Variants in PYGO1 observed in about 807,000 individuals in gnomAD.
PYGO1 encodes pygopus family PHD finger 1, also known as pygopus homolog 1.
Under a neutral mutation model 29.5 loss-of-function variants are expected in PYGO1, and 6 were observed. That is an observed-to-expected ratio of 0.20 (90% CI 0.11 to 0.40). The LOEUF is 0.40. PYGO1 is among the 10% of genes least tolerant of loss of function. The pLI is 1.00. For missense variants in PYGO1, 515 were observed against 514.9 expected (o/e 1.00, Z 0.00); for synonymous variants, 186 against 180.5 (o/e 1.03, Z -0.24).
chr15:55,571,876 T>G (rs1203884944), intron 1 of PYGO1, among the ~76,000 whole-genome samples: 1 of 152,000 alleles, frequency 6.6e-6, no homozygotes, highest in African/African-American at 2.4e-5. Context: ...CCATTTGGAA[T>G]TTATTTTGGG....
chr15:55,565,750 A>C, intron 1 of PYGO1, among the ~76,000 whole-genome samples: 1 of 151,820 alleles, frequency 6.6e-6, no homozygotes, highest in Admixed American at 6.6e-5. Context: ...AAAAAGAAAC[A>C]TATTTATTTC....
In PYGO1 at chr15:55,587,981, G is replaced by GCGAGGCAAGCCTCGGAGC. The variant is rs1171825168; in HGVS notation, c.-116_-99dup. The GCGAGGCAAGCCTCGGAGC allele has an allele frequency of 4.5e-5, 64 of 1,416,564 alleles. 2 individuals carry two copies. The highest frequency in any genetic ancestry group is 5.7e-5 in the Non-Finnish European group (61 of 1,079,162). The allele number at this position is 1,416,564 out of a possible 1,614,324, so 87.7% of individuals were successfully genotyped here. ...TCCTCCTCGCGGGGCCGCTGCGGCTGCGAGGCAAGCCTCGGAGCCGAGGCA... is the reference window on the plus strand; with the variant it reads ...TCCTCCTCGCGGGGCCGCTGCGGCTGCGAGGCAAGCCTCGGAGCCGAGGCAAGCCTCGGAGCCGAGGCA... On this transcript the variant is annotated 5_prime_UTR_variant, in exon 1 of 3. Transcript: ENST00000563719.
intron 1 of PYGO1, among the ~76,000 whole-genome samples, chr15:55,567,680 A>G (rs2058962910): frequency 6.6e-6 from 1 of 152,082 alleles, no homozygotes; most frequent in East Asian, 1.9e-4. Context: ...ATTCTTTTGC[A>G]AGACTGTTGT....
chr15:55,588,667 G>A (rs1223311214), upstream of PYGO1: 3 of 842,760 alleles, frequency 3.6e-6, no homozygotes, highest in African/African-American at 3.5e-5. Context: ...CCGACCGCCA[G>A]GCCCGAGAAC....
At chr15:55,566,825 G>A (rs968088843) in intron 1 of PYGO1, among the ~76,000 whole-genome samples, 2 of 152,126 alleles carry the variant, frequency 1.3e-5, no homozygotes, top group Non-Finnish European at 2.9e-5. Context: ...TGCCCTCCTG[G>A]GGTAAGGTGA....
At chr15:55,554,271 T>C (rs950739874) in intron 1 of PYGO1, among the ~76,000 whole-genome samples, 5 of 151,926 alleles carry the variant, frequency 3.3e-5, no homozygotes, top group African/African-American at 4.8e-5. Flanking sequence ...GAGACCATCC[T>C]GGCTAACATG....
At chr15:55,587,696 C>T (rs751861422) in intron 1 of PYGO1, 139 bp downstream of exon 1, 130 of 1,172,324 alleles carry the variant, frequency 1.1e-4, no homozygotes, top group Middle Eastern at 6.2e-4. Flanking sequence ...ATCGCAGCCT[C>T]GGCCCCGGGG....
In PYGO1 at chr15:55,545,820, C is replaced by T; in HGVS notation, c.*203G>A. ...CTAACATTTATTTATGTTTCTAAAG[C>T]ACCCCCATATACATTATTCTCATTT... On this transcript the variant is annotated 3_prime_UTR_variant, in exon 3 of 3. Coordinates refer to ENST00000563719, the MANE Select transcript of PYGO1 (RefSeq NM_001367806.1). 2.3e-6 allele frequency: 1 copy of T among 432,042 alleles called. No homozygotes were observed. Among genetic ancestry groups the T allele is most frequent in the Non-Finnish European group, 4.0e-6 (1 of 252,484 alleles). The allele number at this position is 432,042 out of a possible 1,614,324, so 26.8% of individuals were successfully genotyped here.
rs1279726254 is a variant in PYGO1, at chr15:55,546,517, G to A, written c.766C>T (p.His256Tyr). 6.2e-7 allele frequency: 1 copy of A among 1,614,096 alleles called. No homozygotes were observed. Among genetic ancestry groups the A allele is most frequent in the Admixed American group, 1.7e-5 (1 of 60,012 alleles). ...TKNTNQNSSA[H>Y]PPHLNMDDTV... ...TCATCCATATTCAAGTGAGGTGGAT[G>A]AGCAGAGGAATTTTGATTAGTGTTT... Residue 256 changes from histidine to tyrosine, a missense_variant, in exon 3 of 3, where the codon CAT becomes TAT. By Grantham distance (83) the His-to-Tyr change is moderately conservative. Coordinates refer to ENST00000563719, the MANE Select transcript of PYGO1 (RefSeq NM_001367806.1).
intron 1 of PYGO1, among the ~76,000 whole-genome samples, chr15:55,566,564 C>T (rs1295527096): frequency 6.6e-6 from 1 of 152,010 alleles, no homozygotes; most frequent in Non-Finnish European, 1.5e-5. Flanking sequence ...TTTAGTAGAA[C>T]AATTTGTTTT....
At chr15:55,550,509 T>C (rs2058874271) in intron 1 of PYGO1, among the ~76,000 whole-genome samples, 1 of 152,134 alleles carries the variant, frequency 6.6e-6, no homozygotes, top group South Asian at 2.1e-4. Context: ...AGGTTATTAA[T>C]ACCAGCTGGG....
At chr15:55,556,203 A>G (rs978218938) in intron 1 of PYGO1, among the ~76,000 whole-genome samples, 1 of 152,192 alleles carries the variant, frequency 6.6e-6, no homozygotes, top group African/African-American at 2.4e-5. Context: ...CAGAATTTAC[A>G]TTCTTTTCAT....
At chr15:55,549,935 C>T (rs567315026) in intron 1 of PYGO1, among the ~76,000 whole-genome samples, 26 of 152,262 alleles carry the variant, frequency 1.7e-4, no homozygotes, top group African/African-American at 6.0e-4. Flanking sequence ...CTCTCTCCAT[C>T]CAGTACTACT....
chr15:55,554,508 G>A (rs1247910028), intron 1 of PYGO1, among the ~76,000 whole-genome samples: 3 of 142,752 alleles, frequency 2.1e-5, no homozygotes, highest in East Asian at 2.2e-4. Flanking sequence ...GAAAGAACTG[G>A]GCTGAGGCTG....
At chr15:55,561,566 G>A (rs1269506151) in intron 1 of PYGO1, among the ~76,000 whole-genome samples, 2 of 152,084 alleles carry the variant, frequency 1.3e-5, no homozygotes, top group Non-Finnish European at 2.9e-5. Context: ...AGAATAGCAT[G>A]GGGGAAACCA....
chr15:55,564,011 G>C (rs1396191970), intron 1 of PYGO1, among the ~76,000 whole-genome samples: 2 of 152,142 alleles, frequency 1.3e-5, no homozygotes, highest in African/African-American at 4.8e-5. Context: ...CAGTTTGGCA[G>C]TTCCTCAAAA....
Position 55,546,021 on chromosome 15 carries a change from G to T in PYGO1, c.*2C>A. ...TAAACCCACTTTAGTTAATGCCTTT[G>T]ATTAAGCATCACTGCCCACTGCAGA... On this transcript the variant is annotated 3_prime_UTR_variant, in exon 3 of 3. Transcript: ENST00000563719. 1 of 1,591,662 alleles carries T rather than the reference G, an allele frequency of 6.3e-7. No homozygotes were observed. Among genetic ancestry groups the T allele is most frequent in the South Asian group, 1.1e-5 (1 of 88,930 alleles).
intron 2 of PYGO1, 50 bp from the exon 3 acceptor site, chr15:55,547,197 T>A: frequency 6.8e-7 from 1 of 1,462,606 alleles, no homozygotes; most frequent in East Asian, 2.4e-5. Context: ...AAATACATTA[T>A]TAAAATTGTC....
intron 1 of PYGO1, among the ~76,000 whole-genome samples, chr15:55,553,040 G>A (rs1347050543): frequency 6.6e-6 from 1 of 152,214 alleles, no homozygotes; most frequent in Non-Finnish European, 1.5e-5. Context: ...AGTTGACTCA[G>A]CTGTTCTAGC....
Sources: allele counts gnomAD v4.1 joint callset (sites outside exome capture counted in the v4.1 genomes callset), GRCh38; gene constraint gnomAD v4.1.1; transcripts MANE v1.5; gene names NCBI Gene and HGNC (gene_info 2026-07-23, HGNC 2026-07-21).